PDE4B: variants seen among roughly 807,000 people sequenced by gnomAD.
PDE4B encodes phosphodiesterase 4B.
Under a neutral mutation model 82.2 loss-of-function variants are expected in PDE4B, and 20 were observed. The observed-to-expected ratio is 0.24, with a 90% CI of 0.17 to 0.35. The LOEUF is 0.35. Among genes scored for constraint, PDE4B ranks in the 10% least tolerant of loss-of-function variants. The pLI, the probability that PDE4B is intolerant of heterozygous loss-of-function variation, is 1.00. For synonymous variants in PDE4B, 320 were observed against 318.9 expected (o/e 1.00, Z -0.04); for missense variants, 655 against 907.2 (o/e 0.72, Z 3.57).
chr1:65,931,079 T>A (rs551935070), intron 3 of PDE4B, among the ~76,000 whole-genome samples: 1 of 152,252 alleles, frequency 6.6e-6, no homozygotes, highest in South Asian at 2.1e-4. Context: ...TGATAATGAG[T>A]GAGTGAGTTA....
At chr1:66,249,738 A>G (rs1467523835) in intron 4 of PDE4B, among the ~76,000 whole-genome samples, 1 of 151,832 alleles carries the variant, frequency 6.6e-6, no homozygotes, top group Non-Finnish European at 1.5e-5. Context: ...GCAAGTAAAA[A>G]TTATATATGT....
chr1:66,131,592 G>GACATATATATAT (rs1645945173), intron 3 of PDE4B, among the ~76,000 whole-genome samples: 1 of 32,842 alleles, frequency 3.0e-5, no homozygotes, highest in Non-Finnish European at 7.9e-5. Flanking sequence ...CTGAATGCCA[G>GACATATATATAT]ATATATATAT....
At position 65,878,479 on chromosome 1, in the gene PDE4B, C is replaced by T. The variant is rs925183412; in HGVS notation, c.-70-34766C>T. ...TACAATTGCAAATACTTGGAACCCACCCAAATGCCCATCAATGTTAGACTG... is the reference window on the plus strand; with the variant it reads ...TACAATTGCAAATACTTGGAACCCATCCAAATGCCCATCAATGTTAGACTG... On this transcript the variant is annotated intron_variant, in intron 1 of 16. Transcript: ENST00000341517. Among the ~76,000 whole-genome samples, 4 of 152,156 alleles carry T rather than the reference C, an allele frequency of 2.6e-5. No individual in the cohort carries two copies. In the East Asian group the frequency reaches 5.8e-4, roughly 22 times the overall value.
At chr1:66,194,747 T>G (rs1481405485) in intron 3 of PDE4B, among the ~76,000 whole-genome samples, 1 of 152,008 alleles carries the variant, frequency 6.6e-6, no homozygotes, top group Non-Finnish European at 1.5e-5. Flanking sequence ...GAGGACAGGG[T>G]CATTCTTATT....
intron 1 of PDE4B, among the ~76,000 whole-genome samples, chr1:65,876,420 T>C (rs957457233): frequency 3.9e-5 from 6 of 152,048 alleles, no homozygotes; most frequent in African/African-American, 1.4e-4. Context: ...AAAACAAATA[T>C]ATATATACAT....
At chr1:65,999,789 C>T (rs188063616) in intron 3 of PDE4B, among the ~76,000 whole-genome samples, 333 of 152,246 alleles carry the variant, frequency 2.2e-3, no homozygotes, top group Non-Finnish European at 4.0e-3. Flanking sequence ...TTAACAAATA[C>T]TTGTTGAAGA....
intron 3 of PDE4B, among the ~76,000 whole-genome samples, chr1:66,134,484 GC>G (rs1411571577): frequency 1.3e-4 from 20 of 152,148 alleles, no homozygotes; most frequent in African/African-American, 4.3e-4. Context: ...GACACTGTAT[GC>G]CTTATTTTAC....
intron 3 of PDE4B, among the ~76,000 whole-genome samples, chr1:66,075,313 T>G (rs1656363336): frequency 6.6e-6 from 1 of 152,000 alleles, no homozygotes. Context: ...TTTGTACAAA[T>G]TTTTGTTTGA....
intron 3 of PDE4B, among the ~76,000 whole-genome samples, chr1:66,032,535 A>G (rs1287652769): frequency 6.6e-6 from 1 of 152,220 alleles, no homozygotes; most frequent in Non-Finnish European, 1.5e-5. Context: ...GTGCACGTAA[A>G]ATAGTTTCAC....
chr1:66,323,323 C>T (rs1487481558), intron 7 of PDE4B, among the ~76,000 whole-genome samples: 1 of 152,150 alleles, frequency 6.6e-6, no homozygotes, highest in African/African-American at 2.4e-5. Flanking sequence ...CTTTCCAAGG[C>T]AGGCCTTCCT....
At chr1:66,210,627 GA>G (rs1170564591) in intron 3 of PDE4B, among the ~76,000 whole-genome samples, 3 of 147,000 alleles carry the variant, frequency 2.0e-5, no homozygotes, top group Admixed American at 6.8e-5. Context: ...AAAGAAAAAG[GA>G]AAAAAAGAAA....
chr1:66,149,659 G>A (rs1181101617), intron 3 of PDE4B, among the ~76,000 whole-genome samples: 1 of 152,124 alleles, frequency 6.6e-6, no homozygotes, highest in Non-Finnish European at 1.5e-5. Context: ...TTTGAGATCA[G>A]CCTGGGCAAC....
chr1:65,921,768 A>AAGTT (rs1343970772), intron 3 of PDE4B, among the ~76,000 whole-genome samples: 1 of 152,164 alleles, frequency 6.6e-6, no homozygotes, highest in Non-Finnish European at 1.5e-5. Flanking sequence ...TCCCTTAGAA[A>AAGTT]AGTTTCCCTT....
intron 3 of PDE4B, among the ~76,000 whole-genome samples, chr1:66,110,746 TA>T (rs1557569441): frequency 6.6e-6 from 1 of 152,056 alleles, no homozygotes; most frequent in Non-Finnish European, 1.5e-5. Context: ...ATAATGCGAT[TA>T]AACCAACTCC....
intron 1 of PDE4B, among the ~76,000 whole-genome samples, chr1:65,854,452 CT>C (rs1305321808): frequency 8.9e-5 from 13 of 146,518 alleles, no homozygotes; most frequent in Admixed American, 2.0e-4. Flanking sequence ...TTCTCCCAGC[CT>C]TTTTTTTTTC....
intron 3 of PDE4B, among the ~76,000 whole-genome samples, chr1:66,204,456 C>T (rs1649357437): frequency 6.6e-6 from 1 of 152,258 alleles, no homozygotes; most frequent in Non-Finnish European, 1.5e-5. Flanking sequence ...GTGGAGCCTA[C>T]AGAGGCCGGC....
chr1:66,073,127 G>A (rs1455177853), intron 3 of PDE4B, among the ~76,000 whole-genome samples: 1 of 151,860 alleles, frequency 6.6e-6, no homozygotes, highest in East Asian at 1.9e-4. Flanking sequence ...CGGATCTTGT[G>A]ATTCTCTGGG....
chr1:66,025,053 G>A (rs1653361097), intron 3 of PDE4B, among the ~76,000 whole-genome samples: 1 of 151,888 alleles, frequency 6.6e-6, no homozygotes, highest in Non-Finnish European at 1.5e-5. Context: ...ATGATTTATA[G>A]CTTTGTTAAT....
At chr1:66,341,931 A>G (rs1661016005) in intron 8 of PDE4B, among the ~76,000 whole-genome samples, 1 of 152,180 alleles carries the variant, frequency 6.6e-6, no homozygotes, top group South Asian at 2.1e-4. Flanking sequence ...CCAAGATCCT[A>G]GTGGAGTTAG....
Sources: allele counts gnomAD v4.1 joint callset (sites outside exome capture counted in the v4.1 genomes callset), GRCh38; gene constraint gnomAD v4.1.1; transcripts MANE v1.5; gene names NCBI Gene and HGNC (gene_info 2026-07-23, HGNC 2026-07-21).